KLHDC4: variants seen among roughly 807,000 people sequenced by gnomAD.
KLHDC4 encodes kelch domain containing 4.
A neutral mutation model predicts 62.4 loss-of-function variants in KLHDC4; 90 were observed. That is an observed-to-expected ratio of 1.44 (90% CI 1.22 to 1.72). The LOEUF is 1.72. Ranked by LOEUF, KLHDC4 falls within the 40% of genes most tolerant of loss-of-function variation. The pLI is 0.00. For missense variants in KLHDC4, 1,025 were observed against 699.7 expected (o/e 1.47, Z -5.25); for synonymous variants, 386 against 284.4 (o/e 1.36, Z -3.59).
rs554233497 is a variant in KLHDC4, at chr16:87,756,791, G to A, written c.192-314C>T. ...AGATGCCCCTACTGATGTATCAAAT[G>A]TTCCAGAACTGTTTTTTTGATTTGT... On this transcript the variant is annotated intron_variant, in intron 2 of 11. Transcript: ENST00000270583. Among the ~76,000 whole-genome samples the A allele has an allele frequency of 2.7e-5, 4 of 149,580 alleles. No individual in the cohort carries two copies. The South Asian group carries it at 8.5e-4, about 32-fold the overall frequency.
rs770016657 is a variant in KLHDC4, at chr16:87,711,243, G to A, written c.1036C>T (p.Gln346Ter). The A allele has an allele frequency of 5.0e-6, 8 of 1,614,050 alleles. No homozygotes were observed. Among genetic ancestry groups the A allele is most frequent in the South Asian group, 1.1e-5 (1 of 91,088 alleles). Residue 346 changes from glutamine (Q) to a stop codon, truncating the protein, a stop_gained, in exon 9 of 12, where the codon CAG becomes TAG. Transcript: ENST00000270583. LOFTEE classifies it high-confidence loss of function. ...CTCAGAGGTTGCACTACCTTCAGCT[G>A]TCCCTCAAACCAACGGTTCCTGGTG... ...DATRNRWFEG[Q>*]LKGPKSEKKK...
intron 4 of KLHDC4, among the ~76,000 whole-genome samples, chr16:87,751,801 C>T (rs536577067): frequency 4.6e-5 from 7 of 151,400 alleles, no homozygotes; most frequent in African/African-American, 1.7e-4. Flanking sequence ...CGGCCGGGCA[C>T]GGTGGCTCAC....
chr16:87,746,228 C>G (rs1271422352), intron 5 of KLHDC4, among the ~76,000 whole-genome samples: 3 of 151,970 alleles, frequency 2.0e-5, no homozygotes, highest in South Asian at 2.1e-4. Context: ...TGTGATCACA[C>G]CACTGTATTC....
rs763027865 is a variant in KLHDC4, at chr16:87,711,257, C to T, written c.1022G>A (p.Arg341His). Residue 341 changes from arginine (R) to histidine (H), a missense_variant, in exon 9 of 12, where the codon CGT (arginine) becomes CAT (histidine). Arg to His is a conservative substitution (Grantham distance 29). Transcript: ENST00000270583. ...DLYFYDATRN[R>H]WFEGQLKGPK... ...TACCTTCAGCTGTCCCTCAAACCAA[C>T]GGTTCCTGGTGGCGTCGTAGAAGTA... 11 of 1,614,144 alleles carry T rather than the reference C, an allele frequency of 6.8e-6. No individual in the cohort carries two copies. Among genetic ancestry groups the T allele is most frequent in the Middle Eastern group, 3.3e-4 (2 of 6,062 alleles).
intron 5 of KLHDC4, among the ~76,000 whole-genome samples, chr16:87,745,808 C>G (rs1034701557): frequency 4.6e-5 from 7 of 152,182 alleles, no homozygotes; most frequent in South Asian, 2.1e-4. Context: ...GAAAGGGACA[C>G]GGACATCAGC....
At chr16:87,715,828 C>A (rs927645526) in intron 7 of KLHDC4, among the ~76,000 whole-genome samples, 7 of 152,218 alleles carry the variant, frequency 4.6e-5, no homozygotes, top group African/African-American at 1.7e-4. Context: ...GATATTGACA[C>A]AGACTTCGGC....
At chr16:87,750,158 G>C (rs957160267) in intron 4 of KLHDC4, 2 of 152,272 alleles carry the variant, frequency 1.3e-5, no homozygotes, top group African/African-American at 4.8e-5. Flanking sequence ...TCCATCTGTG[G>C]AAAGAGCTGC....
rs889529909 is a variant in KLHDC4, at chr16:87,748,744, G to C, written c.435C>G (p.Asn145Lys). The C allele has an allele frequency of 6.2e-7, 1 of 1,613,326 alleles. No homozygotes were observed. Among genetic ancestry groups the C allele is most frequent in the South Asian group, 1.1e-5 (1 of 91,002 alleles). ...WVFGGEFASP[N>K]GEQFYHYKDL... is the part of the protein sequence containing the mutation. ...CCTTGTAGTGGTAGAACTGCTCTCC[G>C]TTGGGAGAGGCAAACTCCCCTCCAA... Residue 145 changes from asparagine to lysine, a missense_variant, in exon 5 of 12, where the codon AAC (asparagine) becomes AAG (lysine). Coordinates refer to ENST00000270583, the MANE Select transcript of KLHDC4 (RefSeq NM_017566.4).
At chr16:87,699,165 ACTGT>A (rs1212032828) in exon 1 of KLHDC4, 4 of 152,192 alleles carry the variant, frequency 2.6e-5, no homozygotes, top group African/African-American at 4.8e-5. Flanking sequence ...CTCTGGTGAA[ACTGT>A]CTGTGCCCAC....
At chr16:87,748,911 C>A in intron 4 of KLHDC4, 102 bp from the exon 5 acceptor site, 1 of 1,347,742 alleles carries the variant, frequency 7.4e-7, no homozygotes, top group South Asian at 1.5e-5. Flanking sequence ...ATCTCGGATG[C>A]CCTGCAACAT....
chr16:87,754,808 C>A (rs567319995), intron 4 of KLHDC4, among the ~76,000 whole-genome samples: 3 of 152,214 alleles, frequency 2.0e-5, no homozygotes, highest in African/African-American at 7.2e-5. Context: ...GGTTACCACT[C>A]GTTTCCGCTA....
At chr16:87,742,804 C>G (rs1241750484) in intron 5 of KLHDC4, among the ~76,000 whole-genome samples, 1 of 152,180 alleles carries the variant, frequency 6.6e-6, no homozygotes, top group Non-Finnish European at 1.5e-5. Context: ...CAGGAAAACC[C>G]CCCACTGTTC....
chr16:87,714,951 A>G (rs946041340), intron 7 of KLHDC4, among the ~76,000 whole-genome samples: 2 of 152,130 alleles, frequency 1.3e-5, no homozygotes, highest in Admixed American at 1.3e-4. Context: ...TCCAAATAAC[A>G]CGACTCAGGC....
chr16:87,706,224 G>GT (rs977956556), downstream of KLHDC4, among the ~76,000 whole-genome samples: 1 of 98,536 alleles, frequency 1.0e-5, no homozygotes, highest in African/African-American at 4.2e-5. Context: ...GCAGCCCTCG[G>GT]GGGGGGGTCA....
At chr16:87,708,307 AAC>A in intron 11 of KLHDC4, 41 bp downstream of exon 11, 1 of 1,315,884 alleles carries the variant, frequency 7.6e-7, no homozygotes, top group Non-Finnish European at 1.1e-6. Context: ...GCCTTTCACG[AAC>A]ACCCAGCAGC....
intron 2 of KLHDC4, among the ~76,000 whole-genome samples, chr16:87,758,414 G>A (rs2045329468): frequency 6.6e-6 from 1 of 152,218 alleles, no homozygotes; most frequent in Admixed American, 6.5e-5. Context: ...CAGAACTGAT[G>A]AACTTGGACA....
chr16:87,722,884 T>G (rs1208557595), intron 7 of KLHDC4, among the ~76,000 whole-genome samples: 1 of 152,218 alleles, frequency 6.6e-6, no homozygotes, highest in African/African-American at 2.4e-5. Context: ...CACCTCTACT[T>G]GCTCAGTGAA....
chr16:87,748,675 G>A lies in KLHDC4; in HGVS notation c.504C>T (p.Val168=), dbSNP rs768690332. ...CAGCTTCTCATCTGGCTTCTTACTT[G>A]ACTTGTTCCCAGGTCTTGGTGGCCA... is the stretch of plus-strand genomic sequence containing the variant. The part of the protein sequence containing the change: ...LHLATKTWEQ[V]KSTGGPSGRS... The change falls in exon 5 of 12, where the codon GTC becomes GTT. Residue 168 remains valine, a splice_region_variant and synonymous_variant. Coordinates refer to ENST00000270583, the MANE Select transcript of KLHDC4 (RefSeq NM_017566.4). 1.2e-6 allele frequency: 2 copies of A among 1,613,610 alleles called. No individual in the cohort carries two copies. The highest frequency in any genetic ancestry group is 1.1e-5 in the South Asian group (1 of 91,008).
At chr16:87,748,989 G>A (rs1013393952) in intron 4 of KLHDC4, among the ~76,000 whole-genome samples, 180 bp from the exon 5 acceptor site, 1 of 148,530 alleles carries the variant, frequency 6.7e-6, no homozygotes, top group Non-Finnish European at 1.5e-5. Flanking sequence ...AAACACCCTC[G>A]TAGGAAAGCA....
Sources: allele counts gnomAD v4.1 joint callset (sites outside exome capture counted in the v4.1 genomes callset), GRCh38; gene constraint gnomAD v4.1.1; transcripts MANE v1.5; gene names NCBI Gene and HGNC (gene_info 2026-07-23, HGNC 2026-07-21).